REDIC1: variants seen among roughly 807,000 people sequenced by gnomAD.
The protein encoded by REDIC1 is regulator of DNA class I crossover intermediates 1.
chr12:39,750,257 A>T, the REDIC1 span, among the ~76,000 whole-genome samples: 1 of 152,234 alleles, frequency 6.6e-6, no homozygotes, highest in Non-Finnish European at 1.5e-5. Flanking sequence ...AATCACAAGG[A>T]TTCTTATACA....
At chr12:39,678,629 C>CAAAAAAAAAAAAAAAAAAAAAAAAAAA in the REDIC1 span, among the ~76,000 whole-genome samples, 1 of 96,232 alleles carries the variant, frequency 1.0e-5, no homozygotes, top group Non-Finnish European at 2.1e-5. Flanking sequence ...AAAGGCATAA[C>CAAAAAAAAAAAAAAAAAAAAAAAAAAA]AAAAAAAAAA....
the REDIC1 span, chr12:39,871,674 A>ATTTTTTTG: frequency 1.0e-6 from 1 of 1,003,084 alleles, no homozygotes; most frequent in South Asian, 3.0e-5. Flanking sequence ...AAGAACTCTA[A>ATTTTTTTG]TTTTTTTGTT....
chr12:39,629,555 C>T, the REDIC1 span, among the ~76,000 whole-genome samples: 1 of 152,188 alleles, frequency 6.6e-6, no homozygotes, highest in Non-Finnish European at 1.5e-5. Flanking sequence ...TGACCCTTTG[C>T]TGCTCTTCAA....
the REDIC1 span, among the ~76,000 whole-genome samples, chr12:39,740,959 T>C: frequency 6.9e-6 from 1 of 144,834 alleles, no homozygotes. Flanking sequence ...TCATGCTTCT[T>C]TACATATTAT....
the REDIC1 span, among the ~76,000 whole-genome samples, chr12:39,725,292 A>T: frequency 6.6e-6 from 1 of 152,282 alleles, no homozygotes; most frequent in African/African-American, 2.4e-5. Context: ...TGAAATCACA[A>T]ACTAGCCACT....
chr12:39,825,888 T>C, the REDIC1 span, among the ~76,000 whole-genome samples: 1 of 152,158 alleles, frequency 6.6e-6, no homozygotes, highest in Non-Finnish European at 1.5e-5. Flanking sequence ...AATTTTAACA[T>C]CTTGTTTTGC....
At chr12:39,799,902 A>G in the REDIC1 span, among the ~76,000 whole-genome samples, 1 of 152,238 alleles carries the variant, frequency 6.6e-6, no homozygotes, top group African/African-American at 2.4e-5. Context: ...AATTTACAAC[A>G]GAATAATGTG....
At chr12:39,843,380 T>A in the REDIC1 span, among the ~76,000 whole-genome samples, 2 of 152,046 alleles carry the variant, frequency 1.3e-5, no homozygotes, top group African/African-American at 4.8e-5. Context: ...CATTAATACT[T>A]CTTACAGTAG....
At chr12:39,760,272 A>G in the REDIC1 span, 1 of 1,581,412 alleles carries the variant, frequency 6.3e-7, no homozygotes, top group South Asian at 1.1e-5. Flanking sequence ...AATATAATAG[A>G]TACATGAATA....
chr12:39,897,896 C>T, the REDIC1 span, among the ~76,000 whole-genome samples: 1 of 151,982 alleles, frequency 6.6e-6, no homozygotes, highest in East Asian at 1.9e-4. Context: ...ATATATAAGA[C>T]ATTTTTATGT....
At chr12:39,712,972 TG>T in the REDIC1 span, among the ~76,000 whole-genome samples, 1 of 18,544 alleles carries the variant, frequency 5.4e-5, no homozygotes, top group Non-Finnish European at 1.2e-4. Flanking sequence ...TACGTGTATA[TG>T]TATATATACA....
chr12:39,714,076 T>C, the REDIC1 span, among the ~76,000 whole-genome samples: 1 of 148,324 alleles, frequency 6.7e-6, no homozygotes, highest in East Asian at 2.0e-4. Flanking sequence ...TATATACGTG[T>C]ATATACACAT....
chr12:39,733,982 C>G, the REDIC1 span, among the ~76,000 whole-genome samples: 3 of 152,188 alleles, frequency 2.0e-5, no homozygotes, highest in Non-Finnish European at 2.9e-5. Context: ...AGTTTGGTGT[C>G]TGCCCAAATA....
the REDIC1 span, among the ~76,000 whole-genome samples, chr12:39,793,636 C>G: frequency 5.9e-5 from 9 of 152,068 alleles, no homozygotes; most frequent in Non-Finnish European, 1.3e-4. Flanking sequence ...CTGGCCCTTA[C>G]TAGGATATAT....
the REDIC1 span, among the ~76,000 whole-genome samples, chr12:39,799,348 G>A: frequency 6.8e-6 from 1 of 147,510 alleles, no homozygotes; most frequent in South Asian, 2.1e-4. Flanking sequence ...GGCCTCAAGT[G>A]ATCTGCCTAC....
At chr12:39,884,921 G>A in the REDIC1 span, among the ~76,000 whole-genome samples, 2 of 152,156 alleles carry the variant, frequency 1.3e-5, no homozygotes, top group Admixed American at 1.3e-4. Flanking sequence ...GGGGAGAACT[G>A]GAAAGAACCA....
chr12:39,711,584 C>A, the REDIC1 span, among the ~76,000 whole-genome samples: 2 of 51,028 alleles, frequency 3.9e-5, no homozygotes, highest in Non-Finnish European at 1.1e-4. Context: ...CATACACATG[C>A]ATGTGTATAT....
the REDIC1 span, chr12:39,830,606 T>G: frequency 5.3e-6 from 2 of 374,112 alleles, no homozygotes; most frequent in Non-Finnish European, 7.5e-6. Context: ...CCAAGTTGCA[T>G]CAAAGCATTC....
the REDIC1 span, among the ~76,000 whole-genome samples, chr12:39,729,006 C>T: frequency 1.3e-5 from 2 of 151,280 alleles, no homozygotes. Flanking sequence ...CAGTGGTGAT[C>T]TCCCCTTTAT....
Sources: allele counts gnomAD v4.1 joint callset (sites outside exome capture counted in the v4.1 genomes callset), GRCh38; gene constraint gnomAD v4.1.1; transcripts MANE v1.5; gene names NCBI Gene and HGNC (gene_info 2026-07-23, HGNC 2026-07-21).